Variants in NDC80 observed in about 807,000 individuals in gnomAD.
NDC80 encodes kinetochore protein NDC80 homolog.
In NDC80, 69 loss-of-function variants were observed where a neutral mutation model predicts 89.3. The observed-to-expected ratio is 0.77, with a 90% CI of 0.64 to 0.94. NDC80 has a LOEUF of 0.94. NDC80 is among the 40% of genes least tolerant of loss of function. NDC80 has a pLI of 0.00. For synonymous variants in NDC80, 243 were observed against 255.6 expected (o/e 0.95, Z 0.47); for missense variants, 593 against 739.6 (o/e 0.80, Z 2.30).
intron 16 of NDC80, among the ~76,000 whole-genome samples, chr18:2,614,148 C>T (rs7244201): frequency 0.78 from 118,219 of 152,100 alleles, 46,130 homozygotes; most frequent in East Asian, 0.96. Flanking sequence ...TTTTAGAAAA[C>T]AATTTGGTGG....
intron 7 of NDC80, 139 bp downstream of exon 7, chr18:2,585,341 A>G: frequency 1.5e-6 from 1 of 650,086 alleles, no homozygotes; most frequent in Non-Finnish European, 2.6e-6. Context: ...TCAAAAATGC[A>G]TTTAATACAC....
chr18:2,608,956 G>C, intron 15 of NDC80, 126 bp downstream of exon 15: 1 of 1,043,878 alleles, frequency 9.6e-7, no homozygotes, highest in Non-Finnish European at 1.3e-6. Flanking sequence ...GGAAAGAATG[G>C]TATATAGAAC....
At chr18:2,572,592 C>A (rs1484394221) in intron 1 of NDC80, among the ~76,000 whole-genome samples, 1 of 152,156 alleles carries the variant, frequency 6.6e-6, no homozygotes, top group Non-Finnish European at 1.5e-5. Flanking sequence ...ATTTTTTTGT[C>A]TTCCTATTGA....
intron 6 of NDC80, among the ~76,000 whole-genome samples, chr18:2,580,916 A>G (rs559163464): frequency 6.6e-6 from 1 of 151,072 alleles, no homozygotes; most frequent in Admixed American, 6.6e-5. Flanking sequence ...AATTTTTTGT[A>G]TTTTTAGTAG....
chr18:2,591,944 C>T (rs763672305), intron 10 of NDC80, among the ~76,000 whole-genome samples: 3 of 151,866 alleles, frequency 2.0e-5, no homozygotes, highest in Non-Finnish European at 4.4e-5. Flanking sequence ...TTAGTAGAGA[C>T]GGGGTTTCAC....
At chr18:2,578,875 T>G in intron 5 of NDC80, 52 bp from the exon 6 acceptor site, 2 of 1,106,906 alleles carry the variant, frequency 1.8e-6, no homozygotes, top group Non-Finnish European at 2.5e-6. Context: ...CCATTATCTT[T>G]ACTAAATTAT....
At position 2,601,452 on chromosome 18, in the gene NDC80, T is replaced by TA. The variant is rs779162397; in HGVS notation, c.1438dup (p.Met480AsnfsTer33). 27 of 1,520,246 alleles carry TA rather than the reference T, an allele frequency of 1.8e-5. No individual in the cohort carries two copies. Among genetic ancestry groups the TA allele is most frequent in the East Asian group, 2.3e-5 (1 of 43,088 alleles). 94.2% of individuals were successfully genotyped at this position (1,520,246 alleles called of 1,614,324 possible). On this transcript the variant is annotated frameshift_variant, in exon 13 of 17. Transcript: ENST00000261597. LOFTEE classifies it high-confidence loss of function. ...AAGAAGAAATTAATAAAGCCCTAAATAAAAAAATGGGTTTGGAGGATACTT... is the reference window on the plus strand; with the variant it reads ...AAGAAGAAATTAATAAAGCCCTAAATAAAAAAAATGGGTTTGGAGGATACTT...
At chr18:2,607,965 G>GTATATATATATATA (rs3033372) in intron 14 of NDC80, among the ~76,000 whole-genome samples, 1,612 of 67,830 alleles carry the variant, frequency 0.024, 151 homozygotes, top group East Asian at 0.035. Context: ...TATATACATA[G>GTATATATATATATA]TATATATATA....
chr18:2,612,683 A>G (rs989886096), intron 16 of NDC80, among the ~76,000 whole-genome samples: 6 of 152,222 alleles, frequency 3.9e-5, no homozygotes, highest in South Asian at 2.1e-4. Context: ...ACAGTTATCA[A>G]TGTTTTAATC....
chr18:2,589,088 A>G (rs1333303171), intron 8 of NDC80, 116 bp from the exon 9 acceptor site: 1 of 698,636 alleles, frequency 1.4e-6, no homozygotes, highest in East Asian at 2.5e-5. Flanking sequence ...TACTTCACTA[A>G]TAGTGTTTTG....
intron 13 of NDC80, among the ~76,000 whole-genome samples, chr18:2,602,371 T>G (rs2072688094): frequency 6.6e-6 from 1 of 152,094 alleles, no homozygotes. Flanking sequence ...ATAGAAAAAT[T>G]TGTAACATTA....
At chr18:2,598,930 T>G in intron 11 of NDC80, 89 bp from the exon 12 acceptor site, 6 of 1,284,786 alleles carry the variant, frequency 4.7e-6, no homozygotes, top group Non-Finnish European at 6.3e-6. Context: ...AGGTGTGATA[T>G]GTTTTGTATA....
chr18:2,589,282 G>A lies in NDC80; in HGVS notation c.842G>A (p.Arg281Lys). ...KNRALNEQIA[R>K]LEQEREKEPN... Reference sequence around the variant, plus strand: ...AGAGCATTGAATGAACAGATTGCAAGATTGGAACAAGAAAGAGAAAAAGAA... The same window carrying A: ...AGAGCATTGAATGAACAGATTGCAAAATTGGAACAAGAAAGAGAAAAAGAA... Residue 281 changes from arginine to lysine, a missense_variant, in exon 9 of 17, where the codon AGA becomes AAA. Transcript: ENST00000261597. 7 of 1,613,644 alleles carry A rather than the reference G, an allele frequency of 4.3e-6. No individual in the cohort carries two copies. Among genetic ancestry groups the A allele is most frequent in the Non-Finnish European group, 5.9e-6 (7 of 1,179,616 alleles).
At chr18:2,609,447 GAGAAGTTCA>G (rs1028569522) in intron 15 of NDC80, among the ~76,000 whole-genome samples, 5 of 152,080 alleles carry the variant, frequency 3.3e-5, no homozygotes, top group African/African-American at 1.2e-4. Flanking sequence ...AGAATCACTT[GAGAAGTTCA>G]AGAAGTTCAA....
chr18:2,589,382 C>G, intron 9 of NDC80, 72 bp downstream of exon 9: 1 of 1,040,102 alleles, frequency 9.6e-7, no homozygotes, highest in Admixed American at 2.3e-5. Flanking sequence ...TATTAGCTGT[C>G]TTTATCAAAA....
chr18:2,616,414 C>G lies in NDC80; in HGVS notation c.1792-23C>G, dbSNP rs200910482. The G allele has an allele frequency of 3.6e-4, 496 of 1,397,056 alleles. No homozygotes were observed. The African/African-American group carries it at 6.2e-3, about 18-fold the overall frequency. The allele number at this position is 1,397,056 out of a possible 1,614,324, so 86.5% of individuals were successfully genotyped here. A position where few individuals can be genotyped will look rare whatever the true frequency, so the allele number is the denominator to read the frequency against. On this transcript the variant is annotated intron_variant, in intron 16 of 16. Coordinates refer to ENST00000261597, the MANE Select transcript of NDC80 (RefSeq NM_006101.3). ...AAGAAATTAATTTTTTTTACTTTAA[C>G]AATTGTTAATTCTCTTCACTAGAAA...
At position 2,616,484 on chromosome 18, in the gene NDC80, A is replaced by G. The variant is rs774758882; in HGVS notation, c.1839A>G (p.Glu613=). The G allele has an allele frequency of 1.9e-6, 3 of 1,542,868 alleles. No homozygotes were observed. The highest frequency in any genetic ancestry group is 2.6e-6 in the Non-Finnish European group (3 of 1,137,314). ...QIAKVDREYE[E]CMSEDLSENI... is the part of the protein sequence containing the mutation. ...CTAAAGTTGATAGAGAATATGAAGA[A>G]TGCATGTCAGAAGATCTCTCGGAAA... The change falls in exon 17 of 17, where the codon GAA becomes GAG. Residue 613 remains glutamate (E), a synonymous_variant. Transcript: ENST00000261597.
At chr18:2,591,141 A>G (rs1568002328) in intron 10 of NDC80, among the ~76,000 whole-genome samples, 1 of 152,190 alleles carries the variant, frequency 6.6e-6, no homozygotes, top group African/African-American at 2.4e-5. Context: ...AACTGATTGA[A>G]AATCAAAATT....
chr18:2,582,545 C>T (rs1438473224), intron 6 of NDC80: 1 of 152,046 alleles, frequency 6.6e-6, no homozygotes, highest in African/African-American at 2.4e-5. Flanking sequence ...CTACTGTTCT[C>T]AGTTGATTTC....
Sources: gnomAD v4.1 joint callset for allele counts (sites outside exome capture counted in the v4.1 genomes callset) on GRCh38, gnomAD v4.1.1 for gene constraint, MANE v1.5 for transcripts, NCBI Gene and HGNC (gene_info 2026-07-23, HGNC 2026-07-21) for gene names.